Variants in CTNNA2 observed in about 807,000 individuals in gnomAD.
CTNNA2 encodes catenin alpha-2.
A neutral mutation model predicts 101.0 loss-of-function variants in CTNNA2; 42 were observed. That is an observed-to-expected ratio of 0.42 (90% CI 0.32 to 0.54). The LOEUF is 0.54. CTNNA2 is among the 20% of genes least tolerant of loss of function. The pLI is 0.14. For missense variants in CTNNA2, 871 were observed against 1,223.1 expected (o/e 0.71, Z 4.29); for synonymous variants, 450 against 456.4 (o/e 0.99, Z 0.18).
intron 2 of CTNNA2, among the ~76,000 whole-genome samples, chr2:79,699,947 C>A (rs900036497): frequency 6.7e-6 from 1 of 148,398 alleles, no homozygotes; most frequent in Admixed American, 6.8e-5. Context: ...TTACATATCA[C>A]ATATTTTTTA....
chr2:80,357,899 G>A (rs1398425683), intron 7 of CTNNA2, among the ~76,000 whole-genome samples: 1 of 152,048 alleles, frequency 6.6e-6, no homozygotes, highest in African/African-American at 2.4e-5. Flanking sequence ...TTGACACTTG[G>A]TAATACAGGG....
chr2:79,654,929 A>G (rs1221065125), intron 2 of CTNNA2, among the ~76,000 whole-genome samples: 1 of 152,200 alleles, frequency 6.6e-6, no homozygotes, highest in Admixed American at 6.5e-5. Context: ...TTGAGGATAA[A>G]CACTTGAAAT....
chr2:79,476,152 A>G (rs1671047527), intron 4 of CTNNA2, among the ~76,000 whole-genome samples: 1 of 152,228 alleles, frequency 6.6e-6, no homozygotes, highest in African/African-American at 2.4e-5. Context: ...GTGTGATTTG[A>G]AAACACAAGA....
At position 79,852,903 on chromosome 2, in the gene CTNNA2, C is replaced by T. The variant is rs149944447; in HGVS notation, c.299-5110C>T. Among the ~76,000 whole-genome samples the T allele has an allele frequency of 2.8e-3, 431 of 151,830 alleles. 2 individuals carry two copies. Among genetic ancestry groups the T allele is most frequent in the African/African-American group, 9.7e-3 (400 of 41,408 alleles). On this transcript the variant is annotated intron_variant, in intron 3 of 18. Transcript: ENST00000402739. ...CCGCGCACAGCCGCAGTTTAACCCT[C>T]GTTTCCCGGGCTGGATGCAATGGTG...
intron 2 of CTNNA2, among the ~76,000 whole-genome samples, chr2:79,248,202 G>A (rs1002753317): frequency 1.3e-5 from 2 of 152,090 alleles, no homozygotes; most frequent in Non-Finnish European, 2.9e-5. Context: ...TAGTGTTTCT[G>A]AGACCTTCAA....
chr2:80,303,900 G>A lies in CTNNA2; in HGVS notation c.1057-89311G>A, dbSNP rs1676635739. On this transcript the variant is annotated intron_variant, in intron 7 of 18. Coordinates refer to ENST00000402739, the MANE Select transcript of CTNNA2 (RefSeq NM_001282597.3). This position sits in a 1 kb window ranked among gnomAD's most constrained non-coding sequence, Gnocchi z 7.7. ...AAATCTACATCATATTTTATTCCGAGGGAGGGGAAGCGGGGGAGGGGGAGA... is the reference window on the plus strand; with the variant it reads ...AAATCTACATCATATTTTATTCCGAAGGAGGGGAAGCGGGGGAGGGGGAGA... The A allele has an allele frequency of 7.0e-7, 1 of 1,422,950 alleles. No individual in the cohort carries two copies. The allele number at this position is 1,422,950 out of a possible 1,614,324, so 88.1% of individuals were successfully genotyped here.
At chr2:80,405,956 T>G (rs894412887) in intron 8 of CTNNA2, among the ~76,000 whole-genome samples, 1 of 152,238 alleles carries the variant, frequency 6.6e-6, no homozygotes, top group Non-Finnish European at 1.5e-5. Context: ...AGGGCAGGGC[T>G]TCTGGATTTT....
At chr2:79,976,819 C>T (rs188313238) in intron 7 of CTNNA2, among the ~76,000 whole-genome samples, 8 of 152,216 alleles carry the variant, frequency 5.3e-5, no homozygotes, top group Middle Eastern at 3.4e-3. Flanking sequence ...GGCACAGCCA[C>T]GATAATGCAG....
intron 4 of CTNNA2, among the ~76,000 whole-genome samples, chr2:79,462,401 C>T (rs1217921419): frequency 2.6e-5 from 4 of 152,064 alleles, no homozygotes; most frequent in Non-Finnish European, 5.9e-5. Context: ...GAATGACATC[C>T]TCCAGGAACA....
At chr2:79,464,693 G>T (rs959391127) in intron 4 of CTNNA2, among the ~76,000 whole-genome samples, 2 of 152,124 alleles carry the variant, frequency 1.3e-5, no homozygotes. Context: ...GTGTGAGATG[G>T]TATCTCATTG....
intron 2 of CTNNA2, among the ~76,000 whole-genome samples, chr2:79,673,524 T>C (rs6717848): frequency 0.17 from 25,610 of 152,132 alleles, 2,779 homozygotes; most frequent in East Asian, 0.54. Flanking sequence ...AAATTGACCT[T>C]GGCTAGAAAG....
At chr2:79,711,585 A>C (rs899499403) in intron 2 of CTNNA2, among the ~76,000 whole-genome samples, 2 of 152,120 alleles carry the variant, frequency 1.3e-5, no homozygotes, top group African/African-American at 4.8e-5. Context: ...ATTTTGTTGC[A>C]AATAAGAATT....
chr2:79,689,174 A>G (rs1684126357), intron 2 of CTNNA2, among the ~76,000 whole-genome samples: 1 of 151,826 alleles, frequency 6.6e-6, no homozygotes, highest in African/African-American at 2.4e-5. Context: ...TGAGAATATC[A>G]CTTTAAAAAA....
intron 7 of CTNNA2, among the ~76,000 whole-genome samples, chr2:80,103,206 T>A (rs1700655703): frequency 6.6e-6 from 1 of 152,134 alleles, no homozygotes; most frequent in African/African-American, 2.4e-5. Context: ...TTCTCACAGT[T>A]CTGGAGGCTG....
intron 7 of CTNNA2, among the ~76,000 whole-genome samples, chr2:80,217,681 A>G (rs1032731435): frequency 1.3e-5 from 2 of 152,190 alleles, no homozygotes; most frequent in Non-Finnish European, 2.9e-5. Context: ...TGTGATTTTC[A>G]TTTTATAAAA....
chr2:80,100,197 G>T (rs1286625815), intron 7 of CTNNA2, among the ~76,000 whole-genome samples: 2 of 152,110 alleles, frequency 1.3e-5, no homozygotes, highest in African/African-American at 4.8e-5. Flanking sequence ...GCCTCCCAAA[G>T]TGCTGGGATT....
At chr2:79,773,986 T>C (rs1319875879) in intron 3 of CTNNA2, among the ~76,000 whole-genome samples, 1 of 152,196 alleles carries the variant, frequency 6.6e-6, no homozygotes, top group Non-Finnish European at 1.5e-5. Context: ...AGATGGCTGC[T>C]ACACCTTCCC....
intron 2 of CTNNA2, among the ~76,000 whole-genome samples, chr2:79,248,480 A>G (rs557643314): frequency 1.2e-4 from 18 of 152,254 alleles, no homozygotes; most frequent in African/African-American, 4.3e-4. Context: ...TATTTAAAGT[A>G]CATCTCAATT....
intron 18 of CTNNA2, among the ~76,000 whole-genome samples, chr2:80,635,120 TTAAAAG>T (rs1460976228): frequency 3.3e-5 from 5 of 152,288 alleles, no homozygotes; most frequent in South Asian, 2.1e-4. Flanking sequence ...CAACTCATTG[TTAAAAG>T]TAATAGGAAA....
Sources: gnomAD v4.1 joint callset for allele counts (sites outside exome capture counted in the v4.1 genomes callset) on GRCh38, gnomAD v4.1.1 for gene constraint, Gnocchi (gnomAD v3.1) non-coding constraint, MANE v1.5 for transcripts, NCBI Gene and HGNC (gene_info 2026-07-23, HGNC 2026-07-21) for gene names.